PLEKHG1: variants seen among roughly 807,000 people sequenced by gnomAD.
PLEKHG1 encodes the protein pleckstrin homology and RhoGEF domain containing G1, also known as pleckstrin homology domain-containing family G member 1.
PLEKHG1 carries 44 observed loss-of-function variants against 100.8 expected under a neutral mutation model. The observed-to-expected ratio is 0.44, with a 90% confidence interval of 0.34 to 0.56. The LOEUF is 0.56. PLEKHG1 is among the 20% of genes least tolerant of loss of function. The pLI is 0.01. For synonymous variants in PLEKHG1, 640 were observed against 662.5 expected (o/e 0.97, Z 0.52); for missense variants, 1,545 against 1,720.9 (o/e 0.90, Z 1.81).
At chr6:150,606,234 C>T (rs774068880) in intron 1 of PLEKHG1, among the ~76,000 whole-genome samples, 1 of 152,150 alleles carries the variant, frequency 6.6e-6, no homozygotes. Flanking sequence ...CTCTTGCAGC[C>T]GGATAATTCC....
intron 10 of PLEKHG1, among the ~76,000 whole-genome samples, chr6:150,817,436 A>G (rs1776033343): frequency 6.6e-6 from 1 of 152,302 alleles, no homozygotes; most frequent in East Asian, 1.9e-4. Flanking sequence ...CCATTTTGCA[A>G]TTAACTCAAA....
chr6:150,809,566 A>G (rs912802880), intron 9 of PLEKHG1, 82 bp from the exon 11 acceptor site: 2 of 1,489,838 alleles, frequency 1.3e-6, no homozygotes, highest in East Asian at 2.3e-5. Context: ...CGTTCTGGCC[A>G]CATGGTCATT....
chr6:150,771,638 C>T (rs1308357310), intron 3 of PLEKHG1, among the ~76,000 whole-genome samples: 1 of 151,710 alleles, frequency 6.6e-6, no homozygotes, highest in Non-Finnish European at 1.5e-5. Context: ...CTCCGCCTCC[C>T]GGGTTCAACA....
At chr6:150,811,624 G>C (rs932651959) in intron 10 of PLEKHG1, among the ~76,000 whole-genome samples, 2 of 147,558 alleles carry the variant, frequency 1.4e-5, no homozygotes, top group Non-Finnish European at 1.5e-5. Flanking sequence ...ACCAGACCTA[G>C]AGACCTGCAT....
At position 150,683,744 on chromosome 6, in the gene PLEKHG1, T is replaced by C. The variant is rs897859912; in HGVS notation, c.-99+32958T>C. Reference sequence around the variant, plus strand: ...CCCCTCTGCGCTAGTATCCAGGGCATAGGACGTCTGAAGGAAAGATGGAGC... The same window carrying C: ...CCCCTCTGCGCTAGTATCCAGGGCACAGGACGTCTGAAGGAAAGATGGAGC... On this transcript the variant is annotated intron_variant, in intron 3 of 3. Coordinates refer to the PLEKHG1 transcript ENST00000367326. The surrounding 1 kb of genome is among the most constrained non-coding windows in gnomAD (Gnocchi z 4.0). 28 of 1,272,846 alleles carry C rather than the reference T, an allele frequency of 2.2e-5. No homozygotes were observed. Among genetic ancestry groups the C allele is most frequent in the Non-Finnish European group, 2.7e-5 (26 of 977,330 alleles). The allele number at this position is 1,272,846 out of a possible 1,614,324, so 78.8% of individuals were successfully genotyped here.
intron 3 of PLEKHG1, among the ~76,000 whole-genome samples, chr6:150,713,656 C>T (rs932096566): frequency 2.0e-5 from 3 of 152,094 alleles, no homozygotes; most frequent in African/African-American, 7.2e-5. Flanking sequence ...CCTGTTTGCT[C>T]CCAGAAGCTT....
At chr6:150,827,994 G>A (rs956040364) in intron 14 of PLEKHG1, 15 of 1,606,456 alleles carry the variant, frequency 9.3e-6, no homozygotes, top group African/African-American at 6.7e-5. Context: ...CAAAGCTGGC[G>A]AGGGCTTGTG....
chr6:150,615,598 C>T (rs1777041507), intron 1 of PLEKHG1, among the ~76,000 whole-genome samples: 1 of 152,146 alleles, frequency 6.6e-6, no homozygotes, highest in Non-Finnish European at 1.5e-5. Flanking sequence ...AAATACTATA[C>T]AGATATAAAA....
exon 7 of PLEKHG1, chr6:150,804,674 C>A: frequency 6.2e-7 from 1 of 1,613,350 alleles, no homozygotes; most frequent in Non-Finnish European, 8.5e-7. Context: ...GCTATAGACA[C>A]AATGCAGCGA....
At chr6:150,805,419 G>A (rs139978640) in intron 7 of PLEKHG1, among the ~76,000 whole-genome samples, 19 of 152,272 alleles carry the variant, frequency 1.2e-4, no homozygotes, top group African/African-American at 4.6e-4. Context: ...AAAATCATGA[G>A]GTGGTGCGTG....
intron 4 of PLEKHG1, among the ~76,000 whole-genome samples, chr6:150,794,226 A>G (rs543622033): frequency 6.6e-6 from 1 of 152,348 alleles, no homozygotes; most frequent in Non-Finnish European, 1.5e-5. Context: ...CTAAAGAGAT[A>G]TCAACCATTT....
At chr6:150,696,726 G>C (rs1241370789) in intron 3 of PLEKHG1, among the ~76,000 whole-genome samples, 1 of 152,174 alleles carries the variant, frequency 6.6e-6, no homozygotes, top group Admixed American at 6.6e-5. Flanking sequence ...ATTTGTGAGA[G>C]GGAAAATGTC....
At chr6:150,709,874 C>T (rs1445644862) in intron 3 of PLEKHG1, among the ~76,000 whole-genome samples, 2 of 152,182 alleles carry the variant, frequency 1.3e-5, no homozygotes, top group African/African-American at 4.8e-5. Context: ...CAGCCTCAAC[C>T]TCTTGGGTTC....
intron 3 of PLEKHG1, among the ~76,000 whole-genome samples, chr6:150,669,677 A>G (rs944906074): frequency 1.4e-5 from 2 of 145,826 alleles, no homozygotes; most frequent in Admixed American, 1.4e-4. Context: ...CCTCACTGCA[A>G]CCTCCACCTC....
intron 3 of PLEKHG1, among the ~76,000 whole-genome samples, chr6:150,699,160 A>G (rs141081305): frequency 6.6e-6 from 1 of 152,194 alleles, no homozygotes; most frequent in Non-Finnish European, 1.5e-5. Context: ...TTGTCGGGGG[A>G]AACTGAGTAA....
At chr6:150,797,992 A>G (rs1426002175) in intron 5 of PLEKHG1, among the ~76,000 whole-genome samples, 2 of 152,020 alleles carry the variant, frequency 1.3e-5, no homozygotes, top group Non-Finnish European at 2.9e-5. Context: ...ATAGAACCAC[A>G]TGCATATTAG....
At chr6:150,703,788 A>T (rs1780898601) in intron 3 of PLEKHG1, among the ~76,000 whole-genome samples, 1 of 152,034 alleles carries the variant, frequency 6.6e-6, no homozygotes, top group African/African-American at 2.4e-5. Context: ...AGGAAAAAAT[A>T]CTCTGGTCTT....
intron 3 of PLEKHG1, among the ~76,000 whole-genome samples, chr6:150,780,658 C>T (rs1785258458): frequency 6.6e-6 from 1 of 152,156 alleles, no homozygotes. Flanking sequence ...TTATAGCATT[C>T]TGTTTTTAGT....
In PLEKHG1 at chr6:150,678,826, T is replaced by C. The variant is rs189182775; in HGVS notation, c.-99+28040T>C. On this transcript the variant is annotated intron_variant, in intron 3 of 3. Transcript: ENST00000367326. Reference sequence around the variant, plus strand: ...CTAACCAATCATGAGCAAATGAATATGTGAATTAAAGACAAAATATTTCTA... The same window carrying C: ...CTAACCAATCATGAGCAAATGAATACGTGAATTAAAGACAAAATATTTCTA... Among the ~76,000 whole-genome samples, 3 of 152,338 alleles carry C rather than the reference T, an allele frequency of 2.0e-5. No individual in the cohort carries two copies. In the East Asian group the frequency reaches 5.8e-4, roughly 29 times the overall value.
Sources: allele counts gnomAD v4.1 joint callset (sites outside exome capture counted in the v4.1 genomes callset), GRCh38; gene constraint gnomAD v4.1.1; non-coding constraint Gnocchi (gnomAD v3.1); transcripts MANE v1.5; gene names NCBI Gene and HGNC (gene_info 2026-07-23, HGNC 2026-07-21).